The following CD164 variants were observed in gnomAD, a reference collection of about 807,000 sequenced individuals.
CD164 encodes the protein CD164 molecule, also known as sialomucin core protein 24.
Under a neutral mutation model 24.6 loss-of-function variants are expected in CD164, and 11 were observed. That is an observed-to-expected ratio of 0.45 (90% CI 0.28 to 0.74). The LOEUF is 0.74. Ranked by LOEUF, CD164 falls within the 30% of genes least tolerant of loss-of-function variation. The pLI, the probability that CD164 is intolerant of heterozygous loss-of-function variation, is 0.13. For synonymous variants in CD164, 126 were observed against 100.3 expected (o/e 1.26, Z -1.53); for missense variants, 295 against 243.7 (o/e 1.21, Z -1.40).
chr6:109,375,718 CTA>C (rs1771363948), intron 4 of CD164, among the ~76,000 whole-genome samples: 1 of 151,710 alleles, frequency 6.6e-6, no homozygotes, highest in Non-Finnish European at 1.5e-5. Flanking sequence ...ATAAAAAAGA[CTA>C]GAAGAAATTA....
intron 4 of CD164, chr6:109,372,983 G>A (rs1462069962): frequency 1.4e-5 from 2 of 146,372 alleles, no homozygotes; most frequent in Admixed American, 7.0e-5. Flanking sequence ...ACCACTTAGG[G>A]AATATACCTC....
intron 1 of CD164, chr6:109,380,442 C>T (rs1046865853): frequency 6.6e-6 from 1 of 152,162 alleles, no homozygotes; most frequent in African/African-American, 2.4e-5. Context: ...AAACTAGATG[C>T]CTCCAAACAT....
intron 1 of CD164, 153 bp from the exon 2 acceptor site, chr6:109,379,815 A>T (rs1771633568): frequency 5.1e-6 from 3 of 591,432 alleles, no homozygotes; most frequent in South Asian, 2.1e-5. Context: ...TGGTTTACTA[A>T]GAAATTCCAA....
At chr6:109,378,306 G>A (rs768177015) in intron 2 of CD164, among the ~76,000 whole-genome samples, 18 of 152,174 alleles carry the variant, frequency 1.2e-4, no homozygotes, top group Admixed American at 5.2e-4. Flanking sequence ...CTAAAAAGTG[G>A]GCAGGTGGCT....
chr6:109,379,502 T>A (rs994447800), intron 2 of CD164, 77 bp downstream of exon 2: 2 of 1,080,140 alleles, frequency 1.9e-6, no homozygotes, highest in Non-Finnish European at 2.8e-6. Flanking sequence ...ATGTCCTACA[T>A]AACTTTCAAG....
At chr6:109,375,936 G>C in intron 4 of CD164, 138 bp downstream of exon 4, 1 of 644,640 alleles carries the variant, frequency 1.6e-6, no homozygotes, top group Middle Eastern at 4.2e-4. Context: ...AACGTTAATT[G>C]CTGTGGTCCA....
intron 4 of CD164, chr6:109,372,175 A>G (rs774410519): frequency 6.6e-6 from 1 of 152,176 alleles, no homozygotes; most frequent in Non-Finnish European, 1.5e-5. Flanking sequence ...TCGAACAAAA[A>G]CCTCAATAGG....
Position 109,382,396 on chromosome 6 carries a change from C to T in CD164, c.-18G>A. 2.0e-6 allele frequency: 3 copies of T among 1,507,696 alleles called. No individual in the cohort carries two copies. The highest frequency in any genetic ancestry group is 2.7e-6 in the Non-Finnish European group (3 of 1,129,370). The allele number at this position is 1,507,696 out of a possible 1,614,324, so 93.4% of individuals were successfully genotyped here. A position where few individuals can be genotyped will look rare whatever the true frequency, so the allele number is the denominator to read the frequency against. On this transcript the variant is annotated 5_prime_UTR_variant, in exon 1 of 6. Transcript: ENST00000310786. ...CGCGACATCGTGTCCTCAGCGCTGG[C>T]GTTCGGGAGAAAGCTAAGGCTCGCA...
intron 3 of CD164, among the ~76,000 whole-genome samples, chr6:109,377,184 G>C (rs1434796566): frequency 6.6e-6 from 1 of 152,210 alleles, no homozygotes; most frequent in Non-Finnish European, 1.5e-5. Flanking sequence ...CCTGTGTGAA[G>C]TAAAACTGAT....
intron 1 of CD164, 145 bp from the exon 2 acceptor site, chr6:109,379,807 G>T: frequency 3.3e-6 from 2 of 603,602 alleles, no homozygotes; most frequent in Non-Finnish European, 5.7e-6. Flanking sequence ...CTTTATACTG[G>T]TTTACTAAGA....
At chr6:109,376,189 G>C in intron 3 of CD164, 77 bp from the exon 4 acceptor site, 2 of 992,374 alleles carry the variant, frequency 2.0e-6, no homozygotes, top group Non-Finnish European at 2.9e-6. Flanking sequence ...GCTAGTTCCT[G>C]ACCTGCAATC....
intron 3 of CD164, among the ~76,000 whole-genome samples, chr6:109,377,258 TAA>T (rs993400944): frequency 2.6e-5 from 4 of 152,174 alleles, no homozygotes; most frequent in Non-Finnish European, 5.9e-5. Flanking sequence ...CTACCAAAAT[TAA>T]AGAGTCAAAG....
At chr6:109,378,904 A>G (rs966517543) in intron 2 of CD164, among the ~76,000 whole-genome samples, 2 of 151,634 alleles carry the variant, frequency 1.3e-5, no homozygotes, top group African/African-American at 2.4e-5. Flanking sequence ...AAAAACCGCC[A>G]AAACAACTAG....
intron 2 of CD164, among the ~76,000 whole-genome samples, chr6:109,378,925 T>A (rs909532032): frequency 6.6e-6 from 1 of 151,858 alleles, no homozygotes; most frequent in Non-Finnish European, 1.5e-5. Context: ...ATTGTTTTAC[T>A]GATAAGTGCA....
chr6:109,374,889 T>C (rs1771307317), intron 4 of CD164, among the ~76,000 whole-genome samples: 1 of 152,166 alleles, frequency 6.6e-6, no homozygotes, highest in Admixed American at 6.5e-5. Flanking sequence ...ACACATTCCT[T>C]CTTACAAATT....
chr6:109,381,240 G>A (rs1771720694), intron 1 of CD164, among the ~76,000 whole-genome samples: 2 of 152,052 alleles, frequency 1.3e-5, no homozygotes, highest in South Asian at 2.1e-4. Flanking sequence ...ACGGTATATG[G>A]CAATTTCTGC....
rs1364145745 is a variant in CD164 at position 109,376,110 on chromosome 6, A to C, written c.334T>G (p.Ser112Ala). ...VGNTTDFCSVSTATPVPTANS... is the reference protein window; with the variant it reads ...VGNTTDFCSVATATPVPTANS... ...GCTGTTGGCACTGGAGTGGCCGTGG[A>C]AACTATTAAAAAAAGAAAAAAGAAA... Residue 112 changes from serine to alanine, a missense_variant and splice_region_variant, in exon 4 of 6, where the codon TCC becomes GCC. Coordinates refer to ENST00000310786, the MANE Select transcript of CD164 (RefSeq NM_006016.6). The C allele has an allele frequency of 4.5e-6, 7 of 1,564,452 alleles. No individual in the cohort carries two copies. In the African/African-American group the frequency reaches 7.0e-5, roughly 16 times the overall value.
chr6:109,367,495 G>A lies in CD164; in HGVS notation c.*1356C>T, dbSNP rs1016911831. Reference sequence around the variant, plus strand: ...CTCTGCACTAGTCCAATGAGTCAAAGGCAAGGGAGAAGTAAACCTCTAAAA... The same window carrying A: ...CTCTGCACTAGTCCAATGAGTCAAAAGCAAGGGAGAAGTAAACCTCTAAAA... On this transcript the variant is annotated 3_prime_UTR_variant, in exon 6 of 6. Coordinates refer to ENST00000310786, the MANE Select transcript of CD164 (RefSeq NM_006016.6). The A allele has an allele frequency of 1.2e-4, 18 of 152,336 alleles. No individual in the cohort carries two copies. The highest frequency in any genetic ancestry group is 3.6e-4 in the African/African-American group (15 of 41,404). 9.4% of individuals were successfully genotyped at this position (152,336 alleles called of 1,614,324 possible). A position where few individuals can be genotyped will look rare whatever the true frequency, so the allele number is the denominator to read the frequency against.
At chr6:109,376,834 G>A (rs1249993626) in intron 3 of CD164, among the ~76,000 whole-genome samples, 1 of 152,158 alleles carries the variant, frequency 6.6e-6, no homozygotes, top group Non-Finnish European at 1.5e-5. Context: ...ACATATTAAA[G>A]TAATTACTTA....
Sources: gnomAD v4.1 joint callset for allele counts (sites outside exome capture counted in the v4.1 genomes callset) on GRCh38, gnomAD v4.1.1 for gene constraint, MANE v1.5 for transcripts, NCBI Gene and HGNC (gene_info 2026-07-23, HGNC 2026-07-21) for gene names.